The following LRFN5 variants were observed in gnomAD, a reference collection of about 807,000 sequenced individuals.
LRFN5 encodes leucine rich repeat and fibronectin type III domain containing 5, also known as leucine-rich repeat and fibronectin type-III domain-containing protein 5.
A neutral mutation model predicts 45.6 loss-of-function variants in LRFN5; 24 were observed. The ratio of observed to expected loss-of-function variants is 0.53; its 90% CI spans 0.38 to 0.74. The LOEUF is 0.74. Among genes scored for constraint, LRFN5 ranks in the 30% least tolerant of loss-of-function variants. The pLI, the probability that LRFN5 is intolerant of heterozygous loss-of-function variation, is 0.00. For synonymous variants in LRFN5, 340 were observed against 313.8 expected, an observed-to-expected ratio of 1.08 and a Z score of -0.88; for missense variants, 776 against 861.5, an observed-to-expected ratio of 0.90 and a Z score of 1.24.
chr14:41,856,938 A>ACAGGC (rs1189138356), intron 2 of LRFN5, among the ~76,000 whole-genome samples: 1 of 151,224 alleles, frequency 6.6e-6, no homozygotes, highest in African/African-American at 2.4e-5. Flanking sequence ...TGCTGGGATT[A>ACAGGC]CAGGCGTGAG....
intron 2 of LRFN5, among the ~76,000 whole-genome samples, chr14:41,877,015 A>C (rs1158828593): frequency 6.6e-6 from 1 of 152,330 alleles, no homozygotes; most frequent in African/African-American, 2.4e-5. Context: ...AATCCTTTAT[A>C]TGAAAGTGCT....
intron 2 of LRFN5, among the ~76,000 whole-genome samples, chr14:41,781,615 A>AGAAAGAAG (rs1566437332): frequency 1.1e-5 from 1 of 92,770 alleles, no homozygotes; most frequent in Admixed American, 1.0e-4. Flanking sequence ...AAAGAAAGAA[A>AGAAAGAAG]GAGAAAGAAA....
chr14:41,778,442 G>T (rs1886370138), intron 2 of LRFN5, among the ~76,000 whole-genome samples: 1 of 151,374 alleles, frequency 6.6e-6, no homozygotes, highest in Admixed American at 6.6e-5. Flanking sequence ...AAAATTTCTT[G>T]GTTTTCTTTC....
rs182867183 is a variant in LRFN5 at position 41,798,082 on chromosome 14, A to G, written c.-21+31053A>G. ...CTTTAACTTAGACTTATTGCTCTCT[A>G]GACATGCTCCAAACTGTTATCCTCA... is the stretch of plus-strand genomic sequence containing the variant. On this transcript the variant is annotated intron_variant, in intron 2 of 5. Coordinates refer to ENST00000298119, the MANE Select transcript of LRFN5 (RefSeq NM_152447.5). Among the ~76,000 whole-genome samples, 970 of 152,006 alleles carry G rather than the reference A, an allele frequency of 6.4e-3. 6 individuals are homozygous for G. The highest frequency in any genetic ancestry group is 9.0e-3 in the Non-Finnish European group (613 of 67,890).
At chr14:41,681,827 T>TATTTTTTTA (rs58384478) in intron 1 of LRFN5, among the ~76,000 whole-genome samples, 4 of 141,744 alleles carry the variant, frequency 2.8e-5, no homozygotes, top group African/African-American at 8.2e-5. Context: ...TTTATTTATT[T>TATTTTTTTA]TTTTTTTTTG....
intron 1 of LRFN5, among the ~76,000 whole-genome samples, chr14:41,667,249 A>G (rs964162540): frequency 2.0e-5 from 3 of 152,156 alleles, no homozygotes; most frequent in Non-Finnish European, 4.4e-5. Context: ...CTCACGCTAC[A>G]TTCCTGAATT....
At chr14:41,722,049 GA>G (rs1380335446) in intron 1 of LRFN5, among the ~76,000 whole-genome samples, 1 of 151,968 alleles carries the variant, frequency 6.6e-6, no homozygotes, top group Admixed American at 6.6e-5. Context: ...ATTTTTTGAA[GA>G]CTTTGTTCAT....
chr14:41,709,392 A>C (rs750039436), intron 1 of LRFN5, among the ~76,000 whole-genome samples: 3 of 152,022 alleles, frequency 2.0e-5, no homozygotes, highest in Non-Finnish European at 2.9e-5. Context: ...CAGACTTGGA[A>C]TTCTGTTATA....
intron 1 of LRFN5, among the ~76,000 whole-genome samples, chr14:41,639,578 T>A (rs1879467602): frequency 6.6e-6 from 1 of 152,038 alleles, no homozygotes; most frequent in South Asian, 2.1e-4. Flanking sequence ...CCTCACAGGA[T>A]CAATGTGAGG....
At chr14:41,625,531 A>G (rs1888298758) in intron 1 of LRFN5, among the ~76,000 whole-genome samples, 1 of 152,178 alleles carries the variant, frequency 6.6e-6, no homozygotes, top group African/African-American at 2.4e-5. Context: ...CAGCGTGAGA[A>G]TGGATGAATA....
At chr14:41,881,684 G>A (rs1380230525) in intron 2 of LRFN5, among the ~76,000 whole-genome samples, 8 of 151,736 alleles carry the variant, frequency 5.3e-5, no homozygotes, top group Admixed American at 5.2e-4. Context: ...AATACTTTTT[G>A]TTCTGTTCTT....
At chr14:41,788,794 C>T (rs967926624) in intron 2 of LRFN5, among the ~76,000 whole-genome samples, 6 of 151,924 alleles carry the variant, frequency 3.9e-5, no homozygotes, top group African/African-American at 1.2e-4. Flanking sequence ...TGAGATGTCA[C>T]GTAAGCTGCA....
intron 1 of LRFN5, among the ~76,000 whole-genome samples, chr14:41,686,387 A>G (rs1882122903): frequency 6.6e-6 from 1 of 152,064 alleles, no homozygotes; most frequent in African/African-American, 2.4e-5. Flanking sequence ...GGGGTTTTCT[A>G]AATATAAAAT....
intron 2 of LRFN5, among the ~76,000 whole-genome samples, chr14:41,781,297 G>C (rs1886472555): frequency 6.6e-6 from 1 of 151,936 alleles, no homozygotes; most frequent in African/African-American, 2.4e-5. Context: ...TGAAGCAGTA[G>C]GATTGCTTGA....
At position 41,891,464 on chromosome 14, in the gene LRFN5, G is replaced by T; in HGVS notation, c.1600G>T (p.Gly534Cys). ...GGGAGGCACCATGATTATTATTATT[G>T]GTGGAATCATTGTAGCATCTGTGCT... ...FLGGTMIIII[G>C]GIIVASVLVF... Residue 534 changes from glycine (G) to cysteine (C), a missense_variant, in exon 4 of 6, where the codon GGT becomes TGT. This residue lies in a region of LRFN5 where 465 missense variants were observed against 456.4 expected (regional missense o/e 1.02). Transcript: ENST00000298119. 3.1e-6 allele frequency: 5 copies of T among 1,614,056 alleles called. No homozygotes were observed. Among genetic ancestry groups the T allele is most frequent in the Non-Finnish European group, 4.2e-6 (5 of 1,179,998 alleles).
chr14:41,763,095 G>C (rs923914040), intron 1 of LRFN5, among the ~76,000 whole-genome samples: 3 of 152,128 alleles, frequency 2.0e-5, no homozygotes, highest in Non-Finnish European at 4.4e-5. Context: ...TCAAAACTTA[G>C]GGCAGGTTTA....
chr14:41,746,406 G>C (rs1566649567), intron 1 of LRFN5, among the ~76,000 whole-genome samples: 2 of 151,948 alleles, frequency 1.3e-5, no homozygotes, highest in Admixed American at 6.6e-5. Context: ...AGTGGGGCAA[G>C]ACTAAAATAT....
At chr14:41,895,490 T>G (rs1297506728) in intron 4 of LRFN5, among the ~76,000 whole-genome samples, 2 of 151,956 alleles carry the variant, frequency 1.3e-5, no homozygotes, top group Non-Finnish European at 1.5e-5. Context: ...GCTGGGGGCA[T>G]GGTAGGAATC....
chr14:41,700,328 G>A (rs1364510895), intron 1 of LRFN5: 1 of 152,058 alleles, frequency 6.6e-6, no homozygotes, highest in Non-Finnish European at 1.5e-5. Context: ...TTTGATGAAT[G>A]TAAAGAGGCA....
Sources: gnomAD v4.1 joint callset for allele counts (sites outside exome capture counted in the v4.1 genomes callset) on GRCh38, gnomAD v4.1.1 for gene constraint, gnomAD v4.1.1 regional missense constraint, MANE v1.5 for transcripts, NCBI Gene and HGNC (gene_info 2026-07-23, HGNC 2026-07-21) for gene names.